Variants in EPG5 observed in about 807,000 individuals in gnomAD.
EPG5 encodes ectopic P-granules 5 autophagy tethering factor, also known as ectopic P granules protein 5 homolog.
A neutral mutation model predicts 302.7 loss-of-function variants in EPG5; 159 were observed. The observed-to-expected ratio is 0.53, with a 90% CI of 0.46 to 0.60. The LOEUF (loss-of-function observed/expected upper bound fraction) is 0.60, where lower values mean the gene tolerates loss of function less well. Among genes scored for constraint, EPG5 ranks in the 20% least tolerant of loss-of-function variants. The pLI is 0.00. For synonymous variants in EPG5, 1,158 were observed against 1,136.8 expected (o/e 1.02, Z -0.37); for missense variants, 2,896 against 3,092.4 (o/e 0.94, Z 1.51).
the EPG5 span, among the ~76,000 whole-genome samples, chr18:45,822,922 G>A: frequency 6.6e-6 from 1 of 152,146 alleles, no homozygotes; most frequent in Non-Finnish European, 1.5e-5. Context: ...CCCTGTGCTT[G>A]GTGAGGGAGA....
chr18:45,916,719 TAGA>T (rs1449925958), intron 17 of EPG5, 137 bp from the exon 18 acceptor site: 2 of 873,288 alleles, frequency 2.3e-6, no homozygotes, highest in Non-Finnish European at 1.7e-6. Context: ...GAAGGGATTC[TAGA>T]AGAATAAAGT....
At chr18:45,927,630 A>ACACG (rs1555676843) in intron 13 of EPG5, among the ~76,000 whole-genome samples, 28 of 151,496 alleles carry the variant, frequency 1.8e-4, no homozygotes, top group Admixed American at 5.3e-4. Flanking sequence ...ACACACACAC[A>ACACG]CACGCACCAA....
chr18:45,810,788 C>CA, the EPG5 span, among the ~76,000 whole-genome samples: 4 of 151,842 alleles, frequency 2.6e-5, no homozygotes, highest in South Asian at 8.3e-4. Flanking sequence ...CTAACAACAA[C>CA]AAAAAAAAAG....
rs2050008898 is a variant in EPG5, at chr18:45,915,505, TCCTA to T, written c.3693+2_3693+5del. On this transcript the variant is annotated splice_donor_variant and splice_donor_5th_base_variant and intron_variant, in intron 20 of 43. Transcript: ENST00000282041. LOFTEE classifies it high-confidence loss of function. ...TAACAAATGATCCTCTCAGTGAGTT[TCCTA>T]CCTGAGTGGGCGTGGCCAAGCCCTC... 3 of 1,590,958 alleles carry T rather than the reference TCCTA, an allele frequency of 1.9e-6. No individual in the cohort carries two copies. The highest frequency in any genetic ancestry group is 2.6e-6 in the Non-Finnish European group (3 of 1,159,152).
In EPG5 at chr18:45,912,473, G is replaced by A; in HGVS notation, c.3817-17C>T. On this transcript the variant is annotated splice_polypyrimidine_tract_variant and intron_variant, in intron 21 of 43. Coordinates refer to ENST00000282041, the MANE Select transcript of EPG5 (RefSeq NM_020964.3). ...CTGGGCTTTCTACAAAAAAGAAAGG[G>A]CTTTGAGTAGCCACAAAATGAACAT... The A allele has an allele frequency of 6.3e-7, 1 of 1,580,164 alleles. No homozygotes were observed. The highest frequency in any genetic ancestry group is 8.6e-7 in the Non-Finnish European group (1 of 1,169,520).
intron 27 of EPG5, among the ~76,000 whole-genome samples, chr18:45,891,958 T>C (rs1269059235): frequency 6.6e-6 from 1 of 152,136 alleles, no homozygotes; most frequent in Non-Finnish European, 1.5e-5. Context: ...AGACCGGGAC[T>C]ATGCGTGTCA....
intron 29 of EPG5, 48 bp from the exon 30 acceptor site, chr18:45,884,859 C>T (rs1568121484): frequency 7.2e-7 from 1 of 1,388,996 alleles, no homozygotes; most frequent in Admixed American, 3.1e-5. Context: ...TCCCTCACAA[C>T]CTTTATTTAA....
intron 35 of EPG5, among the ~76,000 whole-genome samples, chr18:45,873,593 T>C (rs2048914873): frequency 6.6e-6 from 1 of 152,148 alleles, no homozygotes; most frequent in Non-Finnish European, 1.5e-5. Context: ...GTAATCAATA[T>C]ATTCTGGATG....
At chr18:45,837,005 G>C in the EPG5 span, 1 of 1,169,498 alleles carries the variant, frequency 8.6e-7, no homozygotes, top group Non-Finnish European at 1.3e-6. Context: ...CGTGTAACCC[G>C]GGGTTAACTG....
At chr18:45,937,327 T>TATATATACACATATATATAG (rs1568171419) in intron 10 of EPG5, among the ~76,000 whole-genome samples, 12 of 149,832 alleles carry the variant, frequency 8.0e-5, no homozygotes, top group African/African-American at 3.0e-4. Context: ...TATTTATATA[T>TATATATACACATATATATAG]ATATACACAT....
At chr18:45,929,256 T>C (rs575939206) in intron 12 of EPG5, among the ~76,000 whole-genome samples, 1 of 152,310 alleles carries the variant, frequency 6.6e-6, no homozygotes, top group South Asian at 2.1e-4. Flanking sequence ...ATTCAAAAAG[T>C]ATATCCCAAA....
In EPG5 at chr18:45,922,329, C is replaced by G; in HGVS notation, c.3098+12G>C. On this transcript the variant is annotated intron_variant, in intron 16 of 43. Transcript: ENST00000282041. ...GGTTCAGTAACCCTAGTGGTTCAGC[C>G]CAACACTGTACCTGTGGCCCACAGC... 6.2e-7 allele frequency: 1 copy of G among 1,613,838 alleles called. No individual in the cohort carries two copies.
intron 9 of EPG5, among the ~76,000 whole-genome samples, chr18:45,942,703 G>T (rs2050698444): frequency 6.6e-6 from 1 of 152,180 alleles, no homozygotes; most frequent in Non-Finnish European, 1.5e-5. Flanking sequence ...TCTTTTGGGT[G>T]GGGAAGGAAG....
chr18:45,826,950 T>C, the EPG5 span, among the ~76,000 whole-genome samples: 2 of 152,188 alleles, frequency 1.3e-5, no homozygotes, highest in Admixed American at 6.5e-5. Flanking sequence ...AGTCCCACTC[T>C]GTCACCCAGG....
At chr18:45,837,104 A>G in the EPG5 span, 1 of 1,612,712 alleles carries the variant, frequency 6.2e-7, no homozygotes, top group East Asian at 2.2e-5. Flanking sequence ...TGCTTTTATT[A>G]TTATCACCAT....
intron 16 of EPG5, 87 bp from the exon 17 acceptor site, chr18:45,917,906 C>A: frequency 7.0e-7 from 1 of 1,424,074 alleles, no homozygotes; most frequent in Non-Finnish European, 9.7e-7. Flanking sequence ...CCTTCAATAC[C>A]TTGGGTTATC....
intron 1 of EPG5, among the ~76,000 whole-genome samples, chr18:45,966,775 G>A (rs1168307685): frequency 2.0e-5 from 3 of 152,152 alleles, no homozygotes; most frequent in Admixed American, 2.0e-4. Flanking sequence ...CGTGGAGGAG[G>A]GGAACATTCC....
intron 1 of EPG5, 47 bp from the exon 2 acceptor site, chr18:45,955,385 T>C: frequency 1.5e-6 from 2 of 1,312,172 alleles, no homozygotes; most frequent in African/African-American, 1.5e-5. Flanking sequence ...CAATAATTAA[T>C]GCTTTCAGCA....
the EPG5 span, among the ~76,000 whole-genome samples, chr18:45,809,310 G>T: frequency 2.0e-5 from 3 of 152,010 alleles, no homozygotes; most frequent in African/African-American, 7.3e-5. Context: ...GATTAGAGAG[G>T]TCATCAAGGC....
Sources: allele counts gnomAD v4.1 joint callset (sites outside exome capture counted in the v4.1 genomes callset), GRCh38; gene constraint gnomAD v4.1.1; transcripts MANE v1.5; gene names NCBI Gene and HGNC (gene_info 2026-07-23, HGNC 2026-07-21).